MTX2: variants seen among roughly 807,000 people sequenced by gnomAD.
The protein encoded by MTX2 is metaxin 2, also known as metaxin-2.
A neutral mutation model predicts 42.3 loss-of-function variants in MTX2; 35 were observed. The observed-to-expected ratio is 0.83, with a 90% confidence interval of 0.63 to 1.10. The LOEUF (loss-of-function observed/expected upper bound fraction) is 1.10. MTX2 is among the 50% of genes least tolerant of loss of function. The pLI is 0.00. For missense variants in MTX2, 307 were observed against 304.1 expected (o/e 1.01, Z -0.07); for synonymous variants, 119 against 100.9 (o/e 1.18, Z -1.08).
intron 3 of MTX2, among the ~76,000 whole-genome samples, chr2:176,302,190 G>T (rs1276077168): frequency 6.7e-6 from 1 of 149,308 alleles, no homozygotes; most frequent in East Asian, 2.0e-4. Flanking sequence ...GTTTTTTAGA[G>T]TGTCTCAAAC....
chr2:176,328,460 T>C, intron 6 of MTX2, 75 bp downstream of exon 6: 1 of 957,300 alleles, frequency 1.0e-6, no homozygotes, highest in East Asian at 2.8e-5. Flanking sequence ...TTCTTATGGG[T>C]TAAAGTTATT....
chr2:176,309,993 G>A (rs921105461), intron 3 of MTX2, among the ~76,000 whole-genome samples: 4 of 150,444 alleles, frequency 2.7e-5, no homozygotes, highest in Non-Finnish European at 5.9e-5. Flanking sequence ...CAGTTTCTTC[G>A]TAACATCGAT....
intron 3 of MTX2, among the ~76,000 whole-genome samples, chr2:176,319,657 C>A (rs1684528415): frequency 6.6e-6 from 1 of 152,022 alleles, no homozygotes; most frequent in Middle Eastern, 3.4e-3. Context: ...CTCACTGCAA[C>A]CTCTGCCTCC....
chr2:176,270,572 T>G (rs1692784120), intron 1 of MTX2, among the ~76,000 whole-genome samples: 1 of 152,228 alleles, frequency 6.6e-6, no homozygotes, highest in Admixed American at 6.5e-5. Context: ...ATGAGTACAG[T>G]AATGAAGACA....
Position 176,329,289 on chromosome 2 carries a change from T to G in MTX2, c.418-12T>G, listed in dbSNP as rs375769448. ...GAAGGATCACCTTTTTTACAAAATC[T>G]TTTTACTTTAGATCACTCATGCTAG... On this transcript the variant is annotated splice_polypyrimidine_tract_variant and intron_variant, in intron 7 of 9. Coordinates refer to ENST00000249442, the MANE Select transcript of MTX2 (RefSeq NM_006554.5). The G allele has an allele frequency of 1.9e-6, 3 of 1,582,592 alleles. No individual in the cohort carries two copies. In the African/African-American group the frequency reaches 4.1e-5, roughly 22 times the overall value.
chr2:176,328,171 G>T, intron 5 of MTX2, 122 bp from the exon 6 acceptor site: 2 of 467,546 alleles, frequency 4.3e-6, no homozygotes, highest in Non-Finnish European at 7.5e-6. Flanking sequence ...TAATTTTTAG[G>T]GGGCATTTTG....
At chr2:176,320,945 C>T (rs917716119) in intron 3 of MTX2, among the ~76,000 whole-genome samples, 1 of 152,086 alleles carries the variant, frequency 6.6e-6, no homozygotes, top group Non-Finnish European at 1.5e-5. Context: ...GGTCCTTTTG[C>T]CTTGGCCTCC....
chr2:176,279,677 G>C (rs937431124), intron 1 of MTX2, among the ~76,000 whole-genome samples: 2 of 152,044 alleles, frequency 1.3e-5, no homozygotes, highest in African/African-American at 2.4e-5. Flanking sequence ...AGGAGAACTA[G>C]TTACATAATG....
chr2:176,273,870 C>T (rs894379690), intron 1 of MTX2, among the ~76,000 whole-genome samples: 1 of 151,652 alleles, frequency 6.6e-6, no homozygotes, highest in African/African-American at 2.4e-5. Flanking sequence ...CACTGCAAGC[C>T]TCAGTGGGTT....
intron 1 of MTX2, among the ~76,000 whole-genome samples, chr2:176,276,048 A>T (rs1240920286): frequency 1.3e-5 from 2 of 152,246 alleles, no homozygotes; most frequent in Non-Finnish European, 2.9e-5. Flanking sequence ...TAAGCCTGAG[A>T]TTTCTCATTT....
At chr2:176,335,796 C>T (rs1285606327) in intron 9 of MTX2, among the ~76,000 whole-genome samples, 1 of 151,972 alleles carries the variant, frequency 6.6e-6, no homozygotes. Context: ...TAAAGTATCC[C>T]ACACATCTTA....
At position 176,337,421 on chromosome 2, in the gene MTX2, G is replaced by A. The variant is rs1230096901; in HGVS notation, c.621-72G>A. 2.3e-6 allele frequency: 3 copies of A among 1,319,180 alleles called. No homozygotes were observed. In the South Asian group the frequency reaches 4.9e-5, roughly 21 times the overall value. The allele number at this position is 1,319,180 out of a possible 1,614,324, so 81.7% of individuals were successfully genotyped here. ...TACGAGTATGGGACCTGTGGGTGAA[G>A]AGGGCCAACTGTGTTTTCTATTGTA... On this transcript the variant is annotated intron_variant, in intron 9 of 9. Coordinates refer to ENST00000249442, the MANE Select transcript of MTX2 (RefSeq NM_006554.5).
chr2:176,321,195 A>G (rs1440983626), intron 3 of MTX2, among the ~76,000 whole-genome samples: 2 of 151,890 alleles, frequency 1.3e-5, no homozygotes, highest in African/African-American at 4.8e-5. Context: ...ATTTTCTCTA[A>G]TTCTTTCCAT....
intron 1 of MTX2, among the ~76,000 whole-genome samples, chr2:176,273,156 G>A (rs1014353826): frequency 1.3e-5 from 2 of 152,196 alleles, no homozygotes; most frequent in African/African-American, 4.8e-5. Context: ...TTGGGATAAA[G>A]AGATGAATCC....
intron 1 of MTX2, among the ~76,000 whole-genome samples, chr2:176,272,889 G>A (rs1186882551): frequency 6.6e-6 from 1 of 152,154 alleles, no homozygotes; most frequent in Non-Finnish European, 1.5e-5. Flanking sequence ...ATAAGATTAT[G>A]TTTTGCCAAG....
At position 176,278,471 on chromosome 2, in the gene MTX2, T is replaced by C. The variant is rs942260398; in HGVS notation, c.40+8802T>C. Among the ~76,000 whole-genome samples, 3 of 152,220 alleles carry C rather than the reference T, an allele frequency of 2.0e-5. No homozygotes were observed. In the East Asian group the frequency reaches 5.8e-4, roughly 29 times the overall value. On this transcript the variant is annotated intron_variant, in intron 1 of 9. Coordinates refer to ENST00000249442, the MANE Select transcript of MTX2 (RefSeq NM_006554.5). ...ATAGGCTGTAATATGAGTTTTAATT[T>C]ACTTAATGTGGTTTATTAACATTTT...
At chr2:176,280,916 G>T (rs977401822) in intron 1 of MTX2, among the ~76,000 whole-genome samples, 2 of 152,244 alleles carry the variant, frequency 1.3e-5, no homozygotes, top group Non-Finnish European at 2.9e-5. Flanking sequence ...AGTTGTCAGT[G>T]TCTTGCAAGG....
At chr2:176,284,490 A>G (rs1429190581) in intron 1 of MTX2, among the ~76,000 whole-genome samples, 2 of 152,240 alleles carry the variant, frequency 1.3e-5, no homozygotes, top group African/African-American at 2.4e-5. Context: ...AGTCACAGAT[A>G]GATATCACAA....
At chr2:176,311,613 A>G (rs1453453579) in intron 3 of MTX2, among the ~76,000 whole-genome samples, 2 of 152,110 alleles carry the variant, frequency 1.3e-5, no homozygotes, top group Non-Finnish European at 1.5e-5. Flanking sequence ...GCAATGGAGG[A>G]CACCCCTCCT....
Sources: allele counts gnomAD v4.1 joint callset (sites outside exome capture counted in the v4.1 genomes callset), GRCh38; gene constraint gnomAD v4.1.1; transcripts MANE v1.5; gene names NCBI Gene and HGNC (gene_info 2026-07-23, HGNC 2026-07-21).